TASP1: variants seen among roughly 807,000 people sequenced by gnomAD.
TASP1 encodes the protein threonine aspartase 1.
Under a neutral mutation model 56.6 loss-of-function variants are expected in TASP1, and 16 were observed. That is an observed-to-expected ratio of 0.28 (90% CI 0.19 to 0.43). The LOEUF (loss-of-function observed/expected upper bound fraction) is 0.43, where lower values mean the gene tolerates loss of function less well. TASP1 is among the 20% of genes least tolerant of loss of function. The pLI is 1.00. For missense variants in TASP1, 393 were observed against 511.6 expected (o/e 0.77, Z 2.24); for synonymous variants, 179 against 184.2 (o/e 0.97, Z 0.23).
At chr20:13,483,157 G>T in intron 11 of TASP1, 70 bp downstream of exon 11, 1 of 1,125,368 alleles carries the variant, frequency 8.9e-7, no homozygotes, top group South Asian at 1.8e-5. Flanking sequence ...TGGAGTACCT[G>T]ACTCATAGTG....
the TASP1 span, among the ~76,000 whole-genome samples, chr20:13,340,520 T>C: frequency 6.6e-6 from 1 of 152,020 alleles, no homozygotes; most frequent in Non-Finnish European, 1.5e-5. Context: ...TACCTTTTGG[T>C]TATTTTTTTA....
intron 4 of TASP1, among the ~76,000 whole-genome samples, chr20:13,613,755 A>G (rs1199668706): frequency 1.3e-5 from 2 of 152,060 alleles, no homozygotes; most frequent in Non-Finnish European, 2.9e-5. Context: ...ATTTATAAAG[A>G]GTAAAAAGTT....
intron 10 of TASP1, among the ~76,000 whole-genome samples, chr20:13,492,572 T>G (rs543542330): frequency 6.6e-6 from 1 of 152,326 alleles, no homozygotes; most frequent in Admixed American, 6.5e-5. Flanking sequence ...GAACCTATTA[T>G]ATACAAGGGG....
the TASP1 span, among the ~76,000 whole-genome samples, chr20:13,160,950 T>A: frequency 6.6e-6 from 1 of 152,164 alleles, no homozygotes; most frequent in Non-Finnish European, 1.5e-5. Context: ...ATTCAAGACT[T>A]CCAATCAGTG....
At chr20:13,577,966 C>T (rs1234247329) in intron 6 of TASP1, among the ~76,000 whole-genome samples, 1 of 152,138 alleles carries the variant, frequency 6.6e-6, no homozygotes, top group African/African-American at 2.4e-5. Context: ...AGCAACAATG[C>T]TATAGCCTTC....
chr20:13,413,921 T>G (rs569368603), intron 13 of TASP1, among the ~76,000 whole-genome samples: 12 of 152,258 alleles, frequency 7.9e-5, no homozygotes, highest in African/African-American at 2.9e-4. Flanking sequence ...CCTTTACCCC[T>G]AGATGCATTA....
chr20:13,541,445 A>C (rs1197907267), intron 8 of TASP1, among the ~76,000 whole-genome samples: 1 of 152,190 alleles, frequency 6.6e-6, no homozygotes, highest in Non-Finnish European at 1.5e-5. Context: ...AAAGTCCGTA[A>C]GGGGCATTCT....
At chr20:13,283,463 G>T in the TASP1 span, among the ~76,000 whole-genome samples, 2 of 152,092 alleles carry the variant, frequency 1.3e-5, no homozygotes, top group African/African-American at 2.4e-5. Flanking sequence ...ATATTTGTCC[G>T]CAAGGATTAT....
At chr20:13,356,710 G>A in the TASP1 span, among the ~76,000 whole-genome samples, 1 of 152,258 alleles carries the variant, frequency 6.6e-6, no homozygotes, top group East Asian at 1.9e-4. Context: ...ACTTTGCCCA[G>A]ATGAAATCCC....
chr20:13,581,050 G>A, intron 5 of TASP1, 69 bp from the exon 6 acceptor site: 1 of 1,459,810 alleles, frequency 6.9e-7, no homozygotes. Flanking sequence ...ACTCAGTTTT[G>A]CAGTTGTTTC....
chr20:13,441,280 C>T (rs561534832), intron 11 of TASP1, among the ~76,000 whole-genome samples: 1 of 152,228 alleles, frequency 6.6e-6, no homozygotes, highest in South Asian at 2.1e-4. Flanking sequence ...GTACTAAGTG[C>T]CAGGACTCTT....
chr20:13,344,404 A>G, the TASP1 span, among the ~76,000 whole-genome samples: 1 of 152,258 alleles, frequency 6.6e-6, no homozygotes, highest in East Asian at 1.9e-4. Context: ...ATTTAAGTAA[A>G]TGGAGGCAAA....
the TASP1 span, among the ~76,000 whole-genome samples, chr20:13,200,398 G>A: frequency 1.3e-5 from 2 of 152,178 alleles, no homozygotes; most frequent in Non-Finnish European, 2.9e-5. Flanking sequence ...CTCAGACTGT[G>A]ATCCTGGAAG....
At chr20:13,457,408 A>T (rs925239607) in intron 11 of TASP1, among the ~76,000 whole-genome samples, 1 of 152,154 alleles carries the variant, frequency 6.6e-6, no homozygotes, top group Non-Finnish European at 1.5e-5. Flanking sequence ...ATCAATAAAT[A>T]ATGCTTTATG....
At chr20:13,493,286 G>A (rs2043604522) in intron 10 of TASP1, among the ~76,000 whole-genome samples, 1 of 152,168 alleles carries the variant, frequency 6.6e-6, no homozygotes, top group Non-Finnish European at 1.5e-5. Context: ...TCTTCTGGGT[G>A]TGTCTGTGAG....
the TASP1 span, among the ~76,000 whole-genome samples, chr20:13,347,263 A>G: frequency 6.6e-6 from 1 of 152,200 alleles, no homozygotes; most frequent in East Asian, 1.9e-4. Flanking sequence ...GGCTTTTTCA[A>G]GTACTAAGGA....
At chr20:13,638,246 C>T (rs1260932040) in intron 1 of TASP1, among the ~76,000 whole-genome samples, 1 of 152,114 alleles carries the variant, frequency 6.6e-6, no homozygotes, top group Non-Finnish European at 1.5e-5. Flanking sequence ...ATTCAGCAAT[C>T]TAATGGCCCC....
chr20:13,362,112 C>A, the TASP1 span, among the ~76,000 whole-genome samples: 1 of 150,174 alleles, frequency 6.7e-6, no homozygotes, highest in East Asian at 2.0e-4. Flanking sequence ...CGCCCCTAAT[C>A]CCGCTTGAAG....
At chr20:13,405,450 G>A (rs1359086320) in intron 13 of TASP1, among the ~76,000 whole-genome samples, 2 of 152,080 alleles carry the variant, frequency 1.3e-5, no homozygotes, top group East Asian at 1.9e-4. Context: ...AATCTTTCTT[G>A]TAAAGACAAT....
Sources: allele counts gnomAD v4.1 joint callset (sites outside exome capture counted in the v4.1 genomes callset), GRCh38; gene constraint gnomAD v4.1.1; transcripts MANE v1.5; gene names NCBI Gene and HGNC (gene_info 2026-07-23, HGNC 2026-07-21).